Variants in CSRNP3 observed in about 807,000 individuals in gnomAD.
The protein encoded by CSRNP3 is cysteine and serine rich nuclear protein 3.
CSRNP3 carries 12 observed loss-of-function variants against 48.0 expected under a neutral mutation model. That is an observed-to-expected ratio of 0.25 (90% CI 0.16 to 0.41). CSRNP3 has a LOEUF of 0.41. CSRNP3 is among the 10% of genes least tolerant of loss of function. CSRNP3 has a pLI of 1.00. For synonymous variants in CSRNP3, 263 were observed against 269.7 expected, an observed-to-expected ratio of 0.98 and a Z score of 0.24; for missense variants, 580 against 724.4, an observed-to-expected ratio of 0.80 and a Z score of 2.29.
chr2:165,598,334 T>G (rs550976542), intron 4 of CSRNP3, among the ~76,000 whole-genome samples: 63 of 152,314 alleles, frequency 4.1e-4, no homozygotes, highest in African/African-American at 1.5e-3. Flanking sequence ...AGGCAAAGTC[T>G]AAGTCTGTAC....
chr2:165,654,373 G>A (rs1238607723), intron 4 of CSRNP3, among the ~76,000 whole-genome samples: 1 of 152,198 alleles, frequency 6.6e-6, no homozygotes, highest in African/African-American at 2.4e-5. Flanking sequence ...GAGTACAGGT[G>A]TGTTACAATG....
At chr2:165,581,495 A>G (rs959222501) in intron 3 of CSRNP3, among the ~76,000 whole-genome samples, 1 of 152,026 alleles carries the variant, frequency 6.6e-6, no homozygotes, top group African/African-American at 2.4e-5. Flanking sequence ...TCTGCTTTGT[A>G]TCAGAGCCTA....
intron 1 of CSRNP3, among the ~76,000 whole-genome samples, chr2:165,490,452 A>T (rs1392448044): frequency 1.5e-4 from 19 of 126,406 alleles, no homozygotes; most frequent in Non-Finnish European, 2.8e-4. Flanking sequence ...AAACTACTTT[A>T]AAGTTCATAT....
intron 4 of CSRNP3, among the ~76,000 whole-genome samples, chr2:165,603,723 C>T (rs1420678841): frequency 2.0e-5 from 3 of 152,126 alleles, no homozygotes; most frequent in Non-Finnish European, 4.4e-5. Flanking sequence ...CACTTGAAAA[C>T]TTCTTTAAAA....
At chr2:165,550,842 G>C (rs1422108388) in intron 3 of CSRNP3, among the ~76,000 whole-genome samples, 1 of 152,172 alleles carries the variant, frequency 6.6e-6, no homozygotes, top group Non-Finnish European at 1.5e-5. Context: ...TGCTTTCAGA[G>C]TCGATTGTTC....
Position 165,497,765 on chromosome 2 carries a change from G to A in CSRNP3, c.-113+2837G>A, listed in dbSNP as rs143070215. On this transcript the variant is annotated intron_variant, in intron 2 of 6. Transcript: ENST00000651982. ...GACAAGAATCAAAATGTGAGCTGGT[G>A]GCAGAGGACTTTAATGTAGATCCCT... Among the ~76,000 whole-genome samples, 32 of 152,074 alleles carry A rather than the reference G, an allele frequency of 2.1e-4. No individual in the cohort carries two copies. The East Asian group carries it at 5.4e-3, about 26-fold the overall frequency.
intron 3 of CSRNP3, among the ~76,000 whole-genome samples, chr2:165,587,024 G>A (rs1685643935): frequency 6.6e-6 from 1 of 152,152 alleles, no homozygotes; most frequent in Admixed American, 6.5e-5. Flanking sequence ...TATAATCACA[G>A]AAAATCTAGT....
chr2:165,540,031 G>A (rs540882655), intron 3 of CSRNP3, among the ~76,000 whole-genome samples: 1 of 152,142 alleles, frequency 6.6e-6, no homozygotes, highest in Admixed American at 6.6e-5. Context: ...TGATTGACCT[G>A]TAGTCCATCC....
intron 3 of CSRNP3, among the ~76,000 whole-genome samples, chr2:165,589,335 G>A (rs1167206744): frequency 6.6e-6 from 1 of 152,146 alleles, no homozygotes; most frequent in Non-Finnish European, 1.5e-5. Flanking sequence ...GTTACATACT[G>A]GTAAACAATG....
intron 4 of CSRNP3, among the ~76,000 whole-genome samples, chr2:165,621,832 A>G (rs902484443): frequency 6.6e-6 from 1 of 151,958 alleles, no homozygotes; most frequent in African/African-American, 2.4e-5. Flanking sequence ...TTTAGTCCTT[A>G]CCTCTTATTA....
At chr2:165,535,764 A>G (rs1042648808) in intron 3 of CSRNP3, among the ~76,000 whole-genome samples, 3 of 151,894 alleles carry the variant, frequency 2.0e-5, no homozygotes, top group African/African-American at 7.2e-5. Context: ...ATCATTATCA[A>G]TAGCAAACAT....
chr2:165,625,176 A>G (rs2105321459), intron 4 of CSRNP3, among the ~76,000 whole-genome samples: 1 of 152,286 alleles, frequency 6.6e-6, no homozygotes, highest in Admixed American at 6.5e-5. Context: ...TCTTTCATTC[A>G]GTAAGTATTT....
chr2:165,556,561 G>A (rs972975651), intron 3 of CSRNP3, among the ~76,000 whole-genome samples: 1 of 152,128 alleles, frequency 6.6e-6, no homozygotes, highest in African/African-American at 2.4e-5. Context: ...AGAGGGACCT[G>A]CATGGCAACC....
chr2:165,491,950 TA>T (rs560385044), intron 1 of CSRNP3, among the ~76,000 whole-genome samples: 2,514 of 104,542 alleles, frequency 0.024, 47 homozygotes, highest in African/African-American at 0.071. Context: ...TAAAGTATAA[TA>T]AAAAAAAAAA....
intron 4 of CSRNP3, among the ~76,000 whole-genome samples, chr2:165,599,329 G>GAAAGAAAGAAAGAAA (rs774882658): frequency 9.3e-6 from 1 of 107,674 alleles, no homozygotes; most frequent in African/African-American, 3.7e-5. Context: ...AAGAAAGAAA[G>GAAAGAAAGAAAGAAA]GAAAAGAAAA....
chr2:165,559,796 CTTTT>C (rs11313094), intron 3 of CSRNP3, among the ~76,000 whole-genome samples: 2 of 98,424 alleles, frequency 2.0e-5, no homozygotes, highest in African/African-American at 4.0e-5. Context: ...TTCTTTCTTT[CTTTT>C]TTTTTTTTTT....
chr2:165,554,956 C>T (rs905281994), intron 3 of CSRNP3, among the ~76,000 whole-genome samples: 3 of 152,162 alleles, frequency 2.0e-5, no homozygotes, highest in Non-Finnish European at 4.4e-5. Flanking sequence ...ACTTGCTCCT[C>T]GTCTCCAACA....
At chr2:165,629,364 A>G (rs79635314) in intron 4 of CSRNP3, among the ~76,000 whole-genome samples, 2,919 of 152,278 alleles carry the variant, frequency 0.019, 84 homozygotes, top group African/African-American at 0.064. Context: ...GTATTCAACA[A>G]CAGCAGATTC....
chr2:165,529,916 A>G (rs1258770772), intron 3 of CSRNP3, among the ~76,000 whole-genome samples: 3 of 152,202 alleles, frequency 2.0e-5, no homozygotes, highest in Admixed American at 6.5e-5. Context: ...CTTGATGTGT[A>G]TGAGAGTTAG....
Sources: gnomAD v4.1 joint callset for allele counts (sites outside exome capture counted in the v4.1 genomes callset) on GRCh38, gnomAD v4.1.1 for gene constraint, MANE v1.5 for transcripts, NCBI Gene and HGNC (gene_info 2026-07-23, HGNC 2026-07-21) for gene names.